The following KDM1A variants were observed in gnomAD, a reference collection of about 807,000 sequenced individuals.
The protein encoded by KDM1A is lysine-specific histone demethylase 1A.
In KDM1A, 49 loss-of-function variants were observed where a neutral mutation model predicts 109.4. The ratio of observed to expected loss-of-function variants is 0.45; its 90% confidence interval spans 0.36 to 0.57. KDM1A has a LOEUF of 0.57. KDM1A is among the 20% of genes least tolerant of loss of function. The pLI is 0.00. For synonymous variants in KDM1A, 380 were observed against 415.4 expected (o/e 0.91, Z 1.04); for missense variants, 668 against 1,116.6 (o/e 0.60, Z 5.73).
chr1:23,022,142 A>G (rs1372867296), intron 1 of KDM1A, among the ~76,000 whole-genome samples: 1 of 152,158 alleles, frequency 6.6e-6, no homozygotes, highest in Non-Finnish European at 1.5e-5. Flanking sequence ...ATTAATGTAC[A>G]GTTTATTTTG....
intron 1 of KDM1A, among the ~76,000 whole-genome samples, chr1:23,028,314 G>A (rs1250332979): frequency 1.3e-5 from 2 of 152,164 alleles, no homozygotes; most frequent in Non-Finnish European, 2.9e-5. Context: ...ACAGGCATGA[G>A]CCACCACGCC....
chr1:23,062,262 A>G (rs1643022172), intron 9 of KDM1A, among the ~76,000 whole-genome samples: 1 of 152,136 alleles, frequency 6.6e-6, no homozygotes, highest in Non-Finnish European at 1.5e-5. Flanking sequence ...ACCTCTTTCT[A>G]ACTGCCTGTG....
intron 2 of KDM1A, among the ~76,000 whole-genome samples, chr1:23,031,283 C>T (rs1225442311): frequency 6.6e-6 from 1 of 152,178 alleles, no homozygotes; most frequent in East Asian, 1.9e-4. Flanking sequence ...ATCTGCCTTT[C>T]TGTTTTGGAG....
intron 16 of KDM1A, among the ~76,000 whole-genome samples, chr1:23,078,571 T>C (rs1459018032): frequency 6.6e-6 from 1 of 152,198 alleles, no homozygotes; most frequent in East Asian, 1.9e-4. Context: ...ATCACAGCCT[T>C]CTTGTAGCAT....
In KDM1A at chr1:23,022,331, T is replaced by TG. The variant is rs1383235020; in HGVS notation, c.351+2384_351+2385insG. Among the ~76,000 whole-genome samples, 204 of 89,010 alleles carry TG rather than the reference T, an allele frequency of 2.3e-3. 1 individual carries two copies. Among genetic ancestry groups the TG allele is most frequent in the African/African-American group, 7.2e-3 (191 of 26,582 alleles). 58.4% of individuals were successfully genotyped at this position (89,010 alleles called of 152,430 possible). A position where few individuals can be genotyped will look rare whatever the true frequency, so the allele number is the denominator to read the frequency against. ...TCTCCAATGTTCTTCTTCGTTTTTT[T>TG]TTTTTTGTTGTTGTTGTTTTTGAGA... On this transcript the variant is annotated intron_variant, in intron 1 of 20. Transcript: ENST00000400181.
At chr1:23,067,132 C>T (rs1321633172) in intron 10 of KDM1A, among the ~76,000 whole-genome samples, 1 of 152,162 alleles carries the variant, frequency 6.6e-6, no homozygotes, top group Non-Finnish European at 1.5e-5. Context: ...TCATTTAACA[C>T]AAACCAGAAT....
At chr1:23,081,264 TC>T (rs372045082) in intron 18 of KDM1A, 181 bp from the exon 19 acceptor site, 1 of 622,930 alleles carries the variant, frequency 1.6e-6, no homozygotes, top group African/African-American at 1.8e-5. Flanking sequence ...CTGGCTGGTG[TC>T]TGGCGACAAA....
In KDM1A at chr1:23,079,468, GATTA is replaced by G; in HGVS notation, c.2056-84_2056-81del. 1 of 995,350 alleles carries G rather than the reference GATTA, an allele frequency of 1.0e-6. No homozygotes were observed. Among genetic ancestry groups the G allele is most frequent in the Non-Finnish European group, 1.5e-6 (1 of 649,772 alleles). The allele number at this position is 995,350 out of a possible 1,614,324, so 61.7% of individuals were successfully genotyped here. A position where few individuals can be genotyped will look rare whatever the true frequency, so the allele number is the denominator to read the frequency against. ...GATTGCTGGGCTTATTTTGAAAGCA[GATTA>G]GAAGAGACTTTAAGGAAGTCTGTTG... is the stretch of plus-strand genomic sequence containing the variant. On this transcript the variant is annotated intron_variant, in intron 17 of 20. Coordinates refer to ENST00000400181, the MANE Select transcript of KDM1A (RefSeq NM_001009999.3). The surrounding 1 kb of genome is among the most constrained non-coding windows in gnomAD (Gnocchi z 5.6).
At position 23,077,160 on chromosome 1, in the gene KDM1A, A is replaced by T. The variant is rs565560711; in HGVS notation, c.1735-68A>T. 4 of 1,461,352 alleles carry T rather than the reference A, an allele frequency of 2.7e-6. No homozygotes were observed. The South Asian group carries it at 4.0e-5, about 15-fold the overall frequency. The allele number at this position is 1,461,352 out of a possible 1,614,324, so 90.5% of individuals were successfully genotyped here. On this transcript the variant is annotated intron_variant, in intron 15 of 20. Transcript: ENST00000400181. ...AAGCTTGTGTTTTCATTGTTGTTGT[A>T]CAGAACTAGGTGCAAATGACACAGA...
intron 3 of KDM1A, 61 bp from the exon 4 acceptor site, chr1:23,050,326 A>G: frequency 3.3e-6 from 5 of 1,495,258 alleles, no homozygotes; most frequent in Non-Finnish European, 3.6e-6. Flanking sequence ...TTTAAGCGTC[A>G]TCACTACCCG....
At chr1:23,031,129 A>G (rs895381068) in intron 2 of KDM1A, among the ~76,000 whole-genome samples, 3 of 152,128 alleles carry the variant, frequency 2.0e-5, no homozygotes, top group Non-Finnish European at 2.9e-5. Context: ...AAATGTAAAA[A>G]TATATATAGG....
intron 15 of KDM1A, among the ~76,000 whole-genome samples, chr1:23,076,606 CCCCTACCACCT>C (rs1643471593): frequency 6.6e-6 from 1 of 151,824 alleles, no homozygotes; most frequent in African/African-American, 2.4e-5. Context: ...ATCATCATTC[CCCCTACCACCT>C]CCCTACCCTA....
chr1:23,022,648 C>CTTTTTTTT (rs58124287), intron 1 of KDM1A, among the ~76,000 whole-genome samples: 38 of 36,788 alleles, frequency 1.0e-3, no homozygotes, highest in Non-Finnish European at 1.5e-3. Flanking sequence ...CCTTCTTCTT[C>CTTTTTTTT]TTTTTTTTTT....
At chr1:23,055,008 A>G in intron 5 of KDM1A, 61 bp from the exon 6 acceptor site, 6 of 1,022,712 alleles carry the variant, frequency 5.9e-6, no homozygotes, top group African/African-American at 4.8e-5. Context: ...TGGAAGAGTT[A>G]GAAGAATATT....
At chr1:23,034,051 T>A (rs1642070785) in intron 2 of KDM1A, among the ~76,000 whole-genome samples, 1 of 152,214 alleles carries the variant, frequency 6.6e-6, no homozygotes, top group Admixed American at 6.5e-5. Flanking sequence ...AAGGAAGTTC[T>A]CTCTGTTGAC....
intron 14 of KDM1A, among the ~76,000 whole-genome samples, chr1:23,072,489 A>G (rs1015658042): frequency 1.3e-5 from 2 of 152,224 alleles, no homozygotes; most frequent in Non-Finnish European, 2.9e-5. Flanking sequence ...TTGAGAGGGT[A>G]GAAGTTGCTG....
chr1:23,024,296 G>A (rs565003884), intron 1 of KDM1A, among the ~76,000 whole-genome samples: 15 of 152,288 alleles, frequency 9.8e-5, no homozygotes, highest in Admixed American at 8.5e-4. Context: ...TAGGAAGCTA[G>A]CAACTATCCA....
At chr1:23,025,834 G>A (rs925591125) in intron 1 of KDM1A, among the ~76,000 whole-genome samples, 9 of 151,596 alleles carry the variant, frequency 5.9e-5, no homozygotes, top group Admixed American at 2.0e-4. Context: ...GTTCATGCCC[G>A]TAATCCCAGC....
At position 23,073,322 on chromosome 1, in the gene KDM1A, A is replaced by G. The variant is rs979551353; in HGVS notation, c.1653A>G (p.Gln551=). ...SDVYLSSRDR[Q]ILDWHFANLE... is the part of the protein sequence containing the mutation. ...TATATCTCTCATCAAGAGACAGACA[A>G]ATACTTGATTGGCATTTTGCAAATC... The change falls in exon 15 of 21, where the codon CAA becomes CAG. Residue 551 remains glutamine, a synonymous_variant. Coordinates refer to ENST00000400181, the MANE Select transcript of KDM1A (RefSeq NM_001009999.3). 6.8e-6 allele frequency: 11 copies of G among 1,608,134 alleles called. No individual in the cohort carries two copies. Among genetic ancestry groups the G allele is most frequent in the Non-Finnish European group, 9.4e-6 (11 of 1,175,132 alleles).
Sources: gnomAD v4.1 joint callset for allele counts (sites outside exome capture counted in the v4.1 genomes callset) on GRCh38, gnomAD v4.1.1 for gene constraint, Gnocchi (gnomAD v3.1) non-coding constraint, MANE v1.5 for transcripts, NCBI Gene and HGNC (gene_info 2026-07-23, HGNC 2026-07-21) for gene names.